ARHGEF38: variants seen among roughly 807,000 people sequenced by gnomAD.
ARHGEF38 encodes the protein Rho guanine nucleotide exchange factor 38, also known as Rho guanine nucleotide exchange factor (GEF) 38.
A neutral mutation model predicts 79.9 loss-of-function variants in ARHGEF38; 79 were observed. The ratio of observed to expected loss-of-function variants is 0.99; its 90% CI spans 0.82 to 1.19. The LOEUF (loss-of-function observed/expected upper bound fraction) is 1.19, where lower values mean the gene tolerates loss of function less well. Ranked by LOEUF, ARHGEF38 falls within the 50% of genes most tolerant of loss-of-function variation. The pLI, the probability that ARHGEF38 is intolerant of heterozygous loss-of-function variation, is 0.00. For missense variants in ARHGEF38, 962 were observed against 907.2 expected (o/e 1.06, Z -0.78); for synonymous variants, 366 against 328.3 (o/e 1.11, Z -1.24).
rs1475061992 is a variant in ARHGEF38, at chr4:105,680,798, G to C, written c.*2861G>C. ...CTAAAGTCCCCTCTGAGGTACAACA[G>C]AAATTAAAATAATTGCTTCTCTTCT... On this transcript the variant is annotated 3_prime_UTR_variant, in exon 14 of 14. Coordinates refer to ENST00000420470, the MANE Select transcript of ARHGEF38 (RefSeq NM_001242729.2). The C allele has an allele frequency of 6.6e-6, 1 of 152,104 alleles. No homozygotes were observed. 9.4% of individuals were successfully genotyped at this position (152,104 alleles called of 1,614,324 possible).
Position 105,659,379 on chromosome 4 carries a change from C to A in ARHGEF38, c.1545+14C>A, listed in dbSNP as rs756348373. 25 of 1,525,674 alleles carry A rather than the reference C, an allele frequency of 1.6e-5. No homozygotes were observed. Among genetic ancestry groups the A allele is most frequent in the Non-Finnish European group, 2.1e-5 (24 of 1,141,538 alleles). The allele number at this position is 1,525,674 out of a possible 1,614,324, so 94.5% of individuals were successfully genotyped here. ...ACACTTGTGCCGGTAAGCACAGCAC[C>A]AACACCTAGCTAGCTACCTTGGCCT... is the stretch of plus-strand genomic sequence containing the variant. On this transcript the variant is annotated intron_variant, in intron 10 of 13. Transcript: ENST00000420470.
chr4:105,659,775 T>C lies in ARHGEF38; in HGVS notation c.1545+410T>C, dbSNP rs189203488. 1.7e-3 allele frequency among the ~76,000 whole-genome samples: 265 copies of C among 151,900 alleles called. 1 individual carries two copies. Among genetic ancestry groups the C allele is most frequent in the Non-Finnish European group, 2.9e-3 (197 of 67,970 alleles). Reference sequence around the variant, plus strand: ...TAAAAAGAAGGCCATCTCAGCATAATGAAAGATGCAGGATAACATTCAAAC... The same window carrying C: ...TAAAAAGAAGGCCATCTCAGCATAACGAAAGATGCAGGATAACATTCAAAC... On this transcript the variant is annotated intron_variant, in intron 10 of 13. Transcript: ENST00000420470.
chr4:105,607,122 A>T (rs1215719352), intron 2 of ARHGEF38, among the ~76,000 whole-genome samples: 1 of 152,106 alleles, frequency 6.6e-6, no homozygotes, highest in Non-Finnish European at 1.5e-5. Flanking sequence ...TCCAGTGCTC[A>T]TTAAACAGAA....
intron 2 of ARHGEF38, among the ~76,000 whole-genome samples, chr4:105,603,916 T>C (rs184263797): frequency 1.4e-4 from 22 of 152,318 alleles, no homozygotes; most frequent in Admixed American, 5.9e-4. Flanking sequence ...CCGCTCACTT[T>C]GGTATCTGAT....
intron 3 of ARHGEF38, among the ~76,000 whole-genome samples, chr4:105,629,504 A>ATAATAGGTCCAGAT (rs1729092866): frequency 6.6e-6 from 1 of 151,856 alleles, no homozygotes; most frequent in Non-Finnish European, 1.5e-5. Context: ...CCTGTTAACT[A>ATAATAGGTCCAGAT]TAATAGGTCC....
chr4:105,589,020 C>A (rs1469150853), intron 1 of ARHGEF38, among the ~76,000 whole-genome samples: 1 of 152,170 alleles, frequency 6.6e-6, no homozygotes, highest in Non-Finnish European at 1.5e-5. Context: ...AAAGAAGCCA[C>A]GATAATTGAG....
chr4:105,675,809 GC>G (rs1248401318), intron 13 of ARHGEF38, among the ~76,000 whole-genome samples: 1 of 152,188 alleles, frequency 6.6e-6, no homozygotes, highest in Non-Finnish European at 1.5e-5. Context: ...TTCTCATTGG[GC>G]CCTCACATGG....
chr4:105,671,123 T>C (rs766574167), intron 13 of ARHGEF38, among the ~76,000 whole-genome samples: 12 of 152,210 alleles, frequency 7.9e-5, no homozygotes, highest in Non-Finnish European at 1.6e-4. Context: ...ATTTGCTTTC[T>C]TTTTCCTCTG....
At chr4:105,630,445 T>C (rs1462842875) in intron 3 of ARHGEF38, among the ~76,000 whole-genome samples, 1 of 152,074 alleles carries the variant, frequency 6.6e-6, no homozygotes, top group African/African-American at 2.4e-5. Flanking sequence ...GGTTTCACCA[T>C]ATTGGCCAGG....
Position 105,590,622 on chromosome 4 carries a change from T to C in ARHGEF38, c.384+1187T>C, listed in dbSNP as rs555401824. On this transcript the variant is annotated intron_variant, in intron 2 of 13. Coordinates refer to ENST00000420470, the MANE Select transcript of ARHGEF38 (RefSeq NM_001242729.2). ...CTGTCTACTATTACAGTGGTTGAGA[T>C]GTTTTGGATGTTTGTTTCCTTATAT... Among the ~76,000 whole-genome samples, 27 of 152,334 alleles carry C rather than the reference T, an allele frequency of 1.8e-4. No homozygotes were observed. The South Asian group carries it at 2.3e-3, about 13-fold the overall frequency.
chr4:105,662,918 C>T (rs1005050432), intron 10 of ARHGEF38, among the ~76,000 whole-genome samples: 1 of 152,130 alleles, frequency 6.6e-6, no homozygotes, highest in African/African-American at 2.4e-5. Flanking sequence ...CAAACAAGAG[C>T]ATAGAGATGC....
chr4:105,662,717 A>T (rs951529571), intron 10 of ARHGEF38, among the ~76,000 whole-genome samples: 4 of 152,142 alleles, frequency 2.6e-5, no homozygotes, highest in African/African-American at 7.2e-5. Context: ...CGATAATTTC[A>T]TTCTGAGGTC....
chr4:105,587,957 T>C (rs950737651), intron 1 of ARHGEF38, among the ~76,000 whole-genome samples: 2 of 152,182 alleles, frequency 1.3e-5, no homozygotes, highest in Non-Finnish European at 2.9e-5. Flanking sequence ...ATGCTGGAAT[T>C]ACTCTCCACA....
intron 13 of ARHGEF38, among the ~76,000 whole-genome samples, chr4:105,671,946 A>T (rs1449184517): frequency 6.6e-6 from 1 of 151,982 alleles, no homozygotes; most frequent in Non-Finnish European, 1.5e-5. Flanking sequence ...GTGTTGTAGG[A>T]TGTAGTCTGG....
At position 105,671,545 on chromosome 4, in the gene ARHGEF38, G is replaced by A. The variant is rs1730958324; in HGVS notation, c.2148+3842G>A. Among the ~76,000 whole-genome samples the A allele has an allele frequency of 3.3e-5, 5 of 152,286 alleles. No individual in the cohort carries two copies. In the South Asian group the frequency reaches 1.0e-3, roughly 32 times the overall value. ...TATTATGTGCCTAATCCTTGCCCCA[G>A]GGCCGATGTTTCTATTCTGTTGGCT... On this transcript the variant is annotated intron_variant, in intron 13 of 13. Coordinates refer to ENST00000420470, the MANE Select transcript of ARHGEF38 (RefSeq NM_001242729.2).
rs1729168564 is a variant in ARHGEF38 at position 105,631,060 on chromosome 4, AATG to A, written c.656+21_656+23del. On this transcript the variant is annotated intron_variant, in intron 4 of 13. Transcript: ENST00000420470. ...CAGTCCTTAAAGTAAGGCCTTTTCA[AATG>A]ATGATTCCCATCTCCTCTCAGTTGC... 2 of 1,599,194 alleles carry A rather than the reference AATG, an allele frequency of 1.3e-6. No homozygotes were observed. Among genetic ancestry groups the A allele is most frequent in the South Asian group, 2.3e-5 (2 of 87,458 alleles).
Position 105,561,444 on chromosome 4 carries a change from A to AGAATAGAATAGAATG in ARHGEF38, c.196+8487_196+8488insAGAATAGAATGGAAT, listed in dbSNP as rs1725561691. ...AGAATGGAATAGAATAGAATAGAAT[A>AGAATAGAATAGAATG]GAATGGAATAGAATAGAATAGAATA... On this transcript the variant is annotated intron_variant, in intron 1 of 13. Transcript: ENST00000420470. 16 of 43,014 alleles carry AGAATAGAATAGAATG rather than the reference A, an allele frequency of 3.7e-4. 3 individuals are homozygous for AGAATAGAATAGAATG. Among genetic ancestry groups the AGAATAGAATAGAATG allele is most frequent in the South Asian group, 2.2e-3 (3 of 1,356 alleles). The allele number at this position is 43,014 out of a possible 1,614,324, so 2.7% of individuals were successfully genotyped here.
chr4:105,680,835 A>G lies in ARHGEF38; in HGVS notation c.*2898A>G, dbSNP rs1261432194. 1 of 152,226 alleles carries G rather than the reference A, an allele frequency of 6.6e-6. No homozygotes were observed. Among genetic ancestry groups the G allele is most frequent in the East Asian group, 1.9e-4 (1 of 5,200 alleles). The allele number at this position is 152,226 out of a possible 1,614,324, so 9.4% of individuals were successfully genotyped here. On this transcript the variant is annotated 3_prime_UTR_variant, in exon 14 of 14. Coordinates refer to ENST00000420470, the MANE Select transcript of ARHGEF38 (RefSeq NM_001242729.2). ...ATTGCTTCTCTTCTCAACTCTATGT[A>G]GCACGTATTTTCCATGATGGGATAA...
At chr4:105,661,218 T>C (rs1209516546) in intron 10 of ARHGEF38, among the ~76,000 whole-genome samples, 1 of 152,214 alleles carries the variant, frequency 6.6e-6, no homozygotes, top group Non-Finnish European at 1.5e-5. Context: ...ACTTTACTTA[T>C]TCATTCGTCA....
Sources: gnomAD v4.1 joint callset for allele counts (sites outside exome capture counted in the v4.1 genomes callset) on GRCh38, gnomAD v4.1.1 for gene constraint, MANE v1.5 for transcripts, NCBI Gene and HGNC (gene_info 2026-07-23, HGNC 2026-07-21) for gene names.